Variants in VEPH1 observed in about 807,000 individuals in gnomAD.
The protein encoded by VEPH1 is ventricular zone expressed PH domain containing 1.
A neutral mutation model predicts 85.2 loss-of-function variants in VEPH1; 80 were observed. That is an observed-to-expected ratio of 0.94 (90% CI 0.78 to 1.13). VEPH1 has a LOEUF of 1.13. VEPH1 is among the 50% of genes most tolerant of loss of function. VEPH1 has a pLI of 0.00. For synonymous variants in VEPH1, 297 were observed against 348.0 expected, an observed-to-expected ratio of 0.85 and a Z score of 1.63; for missense variants, 955 against 980.5, an observed-to-expected ratio of 0.97 and a Z score of 0.35.
intron 9 of VEPH1, among the ~76,000 whole-genome samples, chr3:157,350,431 G>A (rs956679500): frequency 3.3e-5 from 5 of 152,006 alleles, no homozygotes; most frequent in African/African-American, 1.2e-4. Flanking sequence ...GAAAACATAA[G>A]GAAAATGCTT....
chr3:157,487,386 G>A (rs1738747882), intron 2 of VEPH1, among the ~76,000 whole-genome samples: 1 of 152,064 alleles, frequency 6.6e-6, no homozygotes, highest in African/African-American at 2.4e-5. Flanking sequence ...AAAAGTGACT[G>A]AAGCAAAATT....
chr3:157,367,588 T>C (rs907759030), intron 7 of VEPH1, among the ~76,000 whole-genome samples: 2 of 152,202 alleles, frequency 1.3e-5, no homozygotes, highest in African/African-American at 2.4e-5. Flanking sequence ...ATAGCTGGGG[T>C]CATTAAAACT....
chr3:157,431,063 G>A (rs951131663), intron 4 of VEPH1, among the ~76,000 whole-genome samples: 1 of 152,132 alleles, frequency 6.6e-6, no homozygotes, highest in African/African-American at 2.4e-5. Flanking sequence ...GGAGGGACCT[G>A]GTGGGAGGAG....
At chr3:157,401,544 G>T (rs2108976786) in intron 6 of VEPH1, among the ~76,000 whole-genome samples, 1 of 152,214 alleles carries the variant, frequency 6.6e-6, no homozygotes, top group African/African-American at 2.4e-5. Context: ...TAGACAGAAA[G>T]ATTTGGGTAT....
intron 6 of VEPH1, among the ~76,000 whole-genome samples, chr3:157,393,460 T>C (rs1211500419): frequency 6.6e-6 from 1 of 152,214 alleles, no homozygotes; most frequent in Non-Finnish European, 1.5e-5. Context: ...TTATTATTAG[T>C]ATTATTTTTA....
chr3:157,265,700 C>G (rs1351349490), intron 12 of VEPH1, 38 bp from the exon 13 acceptor site: 2 of 1,605,488 alleles, frequency 1.2e-6, no homozygotes, highest in South Asian at 1.1e-5. Flanking sequence ...CATGTATTTT[C>G]CAATATTTAC....
At chr3:157,356,579 C>A (rs1462869412) in intron 9 of VEPH1, among the ~76,000 whole-genome samples, 1 of 152,162 alleles carries the variant, frequency 6.6e-6, no homozygotes, top group African/African-American at 2.4e-5. Flanking sequence ...CCTCCACCCC[C>A]ACCTTTTCCT....
intron 9 of VEPH1, among the ~76,000 whole-genome samples, chr3:157,348,649 T>G (rs1724512318): frequency 6.6e-6 from 1 of 152,240 alleles, no homozygotes; most frequent in Non-Finnish European, 1.5e-5. Flanking sequence ...TCTAGGCAGA[T>G]CCAATCCATA....
At chr3:157,276,148 G>A (rs1166510391) in intron 12 of VEPH1, among the ~76,000 whole-genome samples, 1 of 152,210 alleles carries the variant, frequency 6.6e-6, no homozygotes, top group African/African-American at 2.4e-5. Flanking sequence ...AAATTGGACA[G>A]CCAAGCTAAG....
chr3:157,261,042 C>T lies in VEPH1; in HGVS notation c.*92G>A. The T allele has an allele frequency of 6.6e-7, 1 of 1,524,094 alleles. No homozygotes were observed. The highest frequency in any genetic ancestry group is 8.8e-7 in the Non-Finnish European group (1 of 1,131,148). 94.4% of individuals were successfully genotyped at this position (1,524,094 alleles called of 1,614,324 possible). A position where few individuals can be genotyped will look rare whatever the true frequency, so the allele number is the denominator to read the frequency against. On this transcript the variant is annotated 3_prime_UTR_variant, in exon 14 of 14. Transcript: ENST00000362010. Reference sequence around the variant, plus strand: ...TCCATTGGTATTTAGTAAAAAACAACATGGCTTGGTAAATTTAGCTCTTTT... The same window carrying T: ...TCCATTGGTATTTAGTAAAAAACAATATGGCTTGGTAAATTTAGCTCTTTT...
At chr3:157,340,805 G>A (rs532116360) in intron 9 of VEPH1, among the ~76,000 whole-genome samples, 8 of 152,252 alleles carry the variant, frequency 5.3e-5, no homozygotes, top group South Asian at 4.2e-4. Flanking sequence ...TCACACGGCC[G>A]GGTACCCCTC....
intron 6 of VEPH1, among the ~76,000 whole-genome samples, chr3:157,406,664 AT>A (rs1317797014): frequency 6.6e-6 from 1 of 151,864 alleles, no homozygotes. Flanking sequence ...ACTCAGGGGC[AT>A]GCTATTTGAT....
chr3:157,360,623 A>T (rs1725952395), intron 9 of VEPH1, among the ~76,000 whole-genome samples: 2 of 152,162 alleles, frequency 1.3e-5, no homozygotes, highest in Non-Finnish European at 2.9e-5. Flanking sequence ...CCTACCGAAC[A>T]TCATAGCCTA....
intron 7 of VEPH1, among the ~76,000 whole-genome samples, chr3:157,369,230 T>A (rs918779745): frequency 8.4e-6 from 1 of 119,586 alleles, no homozygotes; most frequent in African/African-American, 3.2e-5. Flanking sequence ...CAGATGCCCA[T>A]GAGAGACTGG....
chr3:157,411,207 AG>A (rs1731505059), intron 6 of VEPH1, among the ~76,000 whole-genome samples: 1 of 152,264 alleles, frequency 6.6e-6, no homozygotes, highest in Admixed American at 6.5e-5. Flanking sequence ...AGGTAGAAGG[AG>A]CCTGGGTCTC....
chr3:157,381,394 G>T lies in VEPH1; in HGVS notation c.907-18C>A. On this transcript the variant is annotated intron_variant, in intron 6 of 13. Transcript: ENST00000362010. ...GCTCTCTCCTACCAAAAACAATGAA[G>T]AAAATAGGTTTATCTTTTAGAAGAA... 6.2e-7 allele frequency: 1 copy of T among 1,612,166 alleles called. No individual in the cohort carries two copies. Among genetic ancestry groups the T allele is most frequent in the East Asian group, 2.2e-5 (1 of 44,856 alleles).
At chr3:157,461,845 G>A (rs912871810) in intron 3 of VEPH1, among the ~76,000 whole-genome samples, 36 of 151,796 alleles carry the variant, frequency 2.4e-4, no homozygotes, top group Admixed American at 2.1e-3. Flanking sequence ...AGAACATCTC[G>A]ATGGCCTCAG....
At chr3:157,438,043 A>G (rs980625234) in intron 4 of VEPH1, 480 of 659,430 alleles carry the variant, frequency 7.3e-4, no homozygotes, top group East Asian at 5.1e-3. Flanking sequence ...GCGCGCACAC[A>G]CACACACACA....
intron 2 of VEPH1, among the ~76,000 whole-genome samples, chr3:157,494,212 C>A (rs1346907815): frequency 6.6e-6 from 1 of 152,162 alleles, no homozygotes; most frequent in Non-Finnish European, 1.5e-5. Flanking sequence ...TGCCAGTATA[C>A]CTTTTAAATA....
Sources: allele counts gnomAD v4.1 joint callset (sites outside exome capture counted in the v4.1 genomes callset), GRCh38; gene constraint gnomAD v4.1.1; transcripts MANE v1.5; gene names NCBI Gene and HGNC (gene_info 2026-07-23, HGNC 2026-07-21).